Variants in ARHGAP15 observed in about 807,000 individuals in gnomAD.
The protein encoded by ARHGAP15 is Rho GTPase activating protein 15, also known as rho GTPase-activating protein 15.
A neutral mutation model predicts 63.7 loss-of-function variants in ARHGAP15; 51 were observed. That is an observed-to-expected ratio of 0.80 (90% CI 0.64 to 1.01). The LOEUF is 1.01. Among genes scored for constraint, ARHGAP15 ranks in the 50% least tolerant of loss-of-function variants. The probability of loss-of-function intolerance (pLI) is 0.00; values close to 1 mark genes in which losing one functional copy is unlikely to be tolerated. For synonymous variants in ARHGAP15, 191 were observed against 193.8 expected (o/e 0.99, Z 0.12); for missense variants, 560 against 564.6 (o/e 0.99, Z 0.08).
At chr2:143,176,276 A>G (rs551185122) in intron 2 of ARHGAP15, among the ~76,000 whole-genome samples, 1 of 152,308 alleles carries the variant, frequency 6.6e-6, no homozygotes, top group East Asian at 1.9e-4. Context: ...ACCTATATCA[A>G]TGAAACATTT....
chr2:143,366,901 A>G (rs1180870101), intron 6 of ARHGAP15, among the ~76,000 whole-genome samples: 1 of 152,096 alleles, frequency 6.6e-6, no homozygotes, highest in African/African-American at 2.4e-5. Flanking sequence ...CTGTGGCAAC[A>G]TCTTTTAACT....
chr2:143,615,411 A>G (rs530567715), intron 11 of ARHGAP15, among the ~76,000 whole-genome samples: 1 of 152,336 alleles, frequency 6.6e-6, no homozygotes, highest in South Asian at 2.1e-4. Context: ...TCACCAACAT[A>G]GTAAGGGGAA....
At chr2:143,403,734 G>C (rs1475550805) in intron 6 of ARHGAP15, among the ~76,000 whole-genome samples, 1 of 151,786 alleles carries the variant, frequency 6.6e-6, no homozygotes, top group Non-Finnish European at 1.5e-5. Context: ...GTATTTTTCT[G>C]TGTGTGTGTA....
intron 2 of ARHGAP15, among the ~76,000 whole-genome samples, chr2:143,164,451 T>C (rs1238653084): frequency 6.6e-6 from 1 of 151,956 alleles, no homozygotes; most frequent in Non-Finnish European, 1.5e-5. Context: ...TCCTTTGAGG[T>C]GATGGATTTT....
chr2:143,296,664 T>C (rs566182452), intron 6 of ARHGAP15, among the ~76,000 whole-genome samples: 5 of 152,148 alleles, frequency 3.3e-5, no homozygotes, highest in African/African-American at 7.2e-5. Context: ...AGAAACTCGA[T>C]CTTCACATTT....
At position 143,379,480 on chromosome 2, in the gene ARHGAP15, C is replaced by CATATAT. The variant is rs758477926; in HGVS notation, c.475-56118_475-56113dup. On this transcript the variant is annotated intron_variant, in intron 6 of 13. Transcript: ENST00000295095. Reference sequence around the variant, plus strand: ...GACCATTAACAAGGTGGTTTTTAGGCATATATATGTGTGTGTGTGTGTGTG... The same window carrying CATATAT: ...GACCATTAACAAGGTGGTTTTTAGGCATATATATATATATGTGTGTGTGTGTGTGTG... Among the ~76,000 whole-genome samples, 280 of 97,746 alleles carry CATATAT rather than the reference C, an allele frequency of 2.9e-3. 1 individual carries two copies. The highest frequency in any genetic ancestry group is 0.02 in the Middle Eastern group (4 of 196). 64.1% of individuals were successfully genotyped at this position (97,746 alleles called of 152,430 possible).
intron 11 of ARHGAP15, among the ~76,000 whole-genome samples, chr2:143,575,436 T>C (rs542825402): frequency 5.6e-4 from 85 of 152,210 alleles, no homozygotes; most frequent in African/African-American, 2.0e-3. Context: ...AGAACCAGGA[T>C]TCTGTGAGGG....
chr2:143,359,958 A>G (rs1685969243), intron 6 of ARHGAP15, among the ~76,000 whole-genome samples: 1 of 152,184 alleles, frequency 6.6e-6, no homozygotes, highest in Admixed American at 6.5e-5. Flanking sequence ...TCTTTTAAAA[A>G]GGGCTAATTA....
At chr2:143,410,410 C>A (rs185674754) in intron 6 of ARHGAP15, among the ~76,000 whole-genome samples, 122 of 152,262 alleles carry the variant, frequency 8.0e-4, no homozygotes, top group African/African-American at 2.8e-3. Flanking sequence ...TTGTCTATCA[C>A]AATACACCCA....
intron 10 of ARHGAP15, among the ~76,000 whole-genome samples, chr2:143,528,685 G>T (rs752846596): frequency 2.6e-5 from 4 of 152,038 alleles, no homozygotes; most frequent in Non-Finnish European, 4.4e-5. Flanking sequence ...CTTTTAAAAT[G>T]ATGTTGTTCT....
intron 2 of ARHGAP15, among the ~76,000 whole-genome samples, chr2:143,184,292 A>G (rs943511491): frequency 1.3e-5 from 2 of 152,196 alleles, no homozygotes; most frequent in African/African-American, 4.8e-5. Flanking sequence ...CATAGTCAAG[A>G]AAGGGATAGC....
At chr2:143,605,882 A>AAAAAAAAAAAAAAAAAAAG (rs1347834366) in intron 11 of ARHGAP15, among the ~76,000 whole-genome samples, 1 of 134,696 alleles carries the variant, frequency 7.4e-6, no homozygotes, top group East Asian at 2.4e-4. Context: ...AAAAAAAAAA[A>AAAAAAAAAAAAAAAAAAAG]AAAATTAGCC....
chr2:143,759,191 T>C (rs1161791762), intron 13 of ARHGAP15, among the ~76,000 whole-genome samples: 1 of 151,688 alleles, frequency 6.6e-6, no homozygotes, highest in Non-Finnish European at 1.5e-5. Context: ...GGTGGAGGGG[T>C]GGGGCTTGGG....
intron 6 of ARHGAP15, among the ~76,000 whole-genome samples, chr2:143,400,101 AATAC>A (rs1687929393): frequency 6.6e-6 from 1 of 151,924 alleles, no homozygotes; most frequent in African/African-American, 2.4e-5. Flanking sequence ...CTTCTGTGTA[AATAC>A]ATCTCTGCAA....
At chr2:143,637,215 G>T (rs942875145) in intron 12 of ARHGAP15, among the ~76,000 whole-genome samples, 1 of 152,022 alleles carries the variant, frequency 6.6e-6, no homozygotes, top group African/African-American at 2.4e-5. Context: ...TCAGTGGACC[G>T]TTTTATTTGC....
intron 6 of ARHGAP15, among the ~76,000 whole-genome samples, chr2:143,388,941 G>T (rs1687418639): frequency 6.6e-6 from 1 of 151,804 alleles, no homozygotes; most frequent in South Asian, 2.1e-4. Flanking sequence ...GTCAAGTGGA[G>T]AATTAATTTT....
intron 8 of ARHGAP15, among the ~76,000 whole-genome samples, chr2:143,441,828 T>G (rs4343417): frequency 5.3e-5 from 8 of 152,104 alleles, no homozygotes; most frequent in Admixed American, 1.3e-4. Context: ...TAAGTTATCA[T>G]AAAAAACAAA....
chr2:143,639,184 A>G (rs1270362619), intron 12 of ARHGAP15, among the ~76,000 whole-genome samples: 5 of 152,150 alleles, frequency 3.3e-5, no homozygotes, highest in African/African-American at 1.2e-4. Flanking sequence ...TGTAGTTCAG[A>G]TAAAGACTTT....
intron 9 of ARHGAP15, among the ~76,000 whole-genome samples, chr2:143,504,074 C>A (rs1193480612): frequency 6.6e-6 from 1 of 152,056 alleles, no homozygotes; most frequent in Non-Finnish European, 1.5e-5. Flanking sequence ...GAGCCTTGGA[C>A]TTTTGTAAAA....
Sources: gnomAD v4.1 joint callset for allele counts (sites outside exome capture counted in the v4.1 genomes callset) on GRCh38, gnomAD v4.1.1 for gene constraint, MANE v1.5 for transcripts, NCBI Gene and HGNC (gene_info 2026-07-23, HGNC 2026-07-21) for gene names.